Variants in EMB observed in about 807,000 individuals in gnomAD.
The protein encoded by EMB is embigin homolog.
Under a neutral mutation model 41.4 loss-of-function variants are expected in EMB, and 31 were observed. That is an observed-to-expected ratio of 0.75 (90% CI 0.56 to 1.01). EMB has a LOEUF of 1.01. Among genes scored for constraint, EMB ranks in the 50% least tolerant of loss-of-function variants. The pLI, the probability that EMB is intolerant of heterozygous loss-of-function variation, is 0.00. For missense variants in EMB, 379 were observed against 388.3 expected (o/e 0.98, Z 0.20); for synonymous variants, 137 against 140.4 (o/e 0.98, Z 0.17).
chr5:50,404,691 C>A (rs1169678969), intron 5 of EMB, among the ~76,000 whole-genome samples: 1 of 151,788 alleles, frequency 6.6e-6, no homozygotes, highest in Non-Finnish European at 1.5e-5. Flanking sequence ...TTTGTTTTTA[C>A]AAAATTACAC....
At chr5:50,430,221 A>G (rs1745694277) in intron 1 of EMB, among the ~76,000 whole-genome samples, 1 of 152,162 alleles carries the variant, frequency 6.6e-6, no homozygotes, top group Non-Finnish European at 1.5e-5. Context: ...GGAAACCGCT[A>G]TTCTACTATA....
In EMB at chr5:50,399,263, T is replaced by C. The variant is rs1273303494; in HGVS notation, c.*10A>G. On this transcript the variant is annotated 3_prime_UTR_variant, in exon 9 of 9. Transcript: ENST00000303221. The stretch of plus-strand genomic sequence containing the variant: ...TATCTTCCAATGATTCTCGACATGA[T>C]GTTTTGTATTCACTGGCCCAGAGAC... 6.2e-7 allele frequency: 1 copy of C among 1,608,374 alleles called. No homozygotes were observed.
chr5:50,412,257 G>GACAC (rs59853245), intron 2 of EMB, among the ~76,000 whole-genome samples: 9,139 of 141,690 alleles, frequency 0.065, 395 homozygotes, highest in Middle Eastern at 0.14. Flanking sequence ...CACACACACA[G>GACAC]ACACACACAC....
rs577606161 is a variant in EMB at position 50,397,628 on chromosome 5, G to A, written c.*1645C>T. The A allele has an allele frequency of 2.0e-5, 3 of 152,176 alleles. No individual in the cohort carries two copies. Among genetic ancestry groups the A allele is most frequent in the African/African-American group, 7.2e-5 (3 of 41,540 alleles). 9.4% of individuals were successfully genotyped at this position (152,176 alleles called of 1,614,324 possible). A position where few individuals can be genotyped will look rare whatever the true frequency, so the allele number is the denominator to read the frequency against. On this transcript the variant is annotated 3_prime_UTR_variant, in exon 9 of 9. Transcript: ENST00000303221. ...TATTTCCCTGAATTCAAATAGCTTA[G>A]ATTAATTAAGCTAACTGATTGGTTA...
At chr5:50,419,019 C>A (rs572151010) in intron 2 of EMB, among the ~76,000 whole-genome samples, 6 of 152,240 alleles carry the variant, frequency 3.9e-5, no homozygotes, top group Middle Eastern at 6.8e-3. Flanking sequence ...AATACTTGGT[C>A]CCCAGAATGA....
intron 5 of EMB, among the ~76,000 whole-genome samples, chr5:50,403,748 C>T (rs548059344): frequency 3.2e-4 from 48 of 151,966 alleles, no homozygotes; most frequent in Middle Eastern, 6.8e-3. Flanking sequence ...GAATTAAAAA[C>T]AGAAAAATCC....
At chr5:50,421,518 C>T (rs1203796797) in intron 2 of EMB, among the ~76,000 whole-genome samples, 1 of 151,970 alleles carries the variant, frequency 6.6e-6, no homozygotes, top group Non-Finnish European at 1.5e-5. Context: ...CTAGAAATAC[C>T]ATTTGACCCA....
intron 1 of EMB, among the ~76,000 whole-genome samples, chr5:50,434,803 T>C (rs941462633): frequency 1.3e-5 from 2 of 152,236 alleles, no homozygotes; most frequent in African/African-American, 4.8e-5. Context: ...TGAGATGTTC[T>C]ATGTTTAAAT....
intron 5 of EMB, among the ~76,000 whole-genome samples, chr5:50,405,123 A>T (rs1295414041): frequency 6.6e-6 from 1 of 151,940 alleles, no homozygotes. Flanking sequence ...TTTATAAAAT[A>T]CTCATGTTTT....
At chr5:50,438,211 T>A (rs1171343629) in intron 1 of EMB, among the ~76,000 whole-genome samples, 3 of 152,354 alleles carry the variant, frequency 2.0e-5, no homozygotes, top group African/African-American at 7.2e-5. Flanking sequence ...TAACTAAGTA[T>A]GTGTAATTAC....
chr5:50,408,148 AG>A (rs1194619175), intron 4 of EMB, among the ~76,000 whole-genome samples: 2 of 152,020 alleles, frequency 1.3e-5, no homozygotes, highest in Admixed American at 6.6e-5. Flanking sequence ...GAGCTTTGAC[AG>A]GCTTCACTAC....
intron 1 of EMB, among the ~76,000 whole-genome samples, chr5:50,437,039 G>A (rs547383523): frequency 6.6e-6 from 1 of 152,338 alleles, no homozygotes; most frequent in Admixed American, 6.5e-5. Flanking sequence ...GGGAGGCTGA[G>A]GCAGGAAGAT....
chr5:50,435,622 C>T (rs1420586654), intron 1 of EMB, among the ~76,000 whole-genome samples: 2 of 152,138 alleles, frequency 1.3e-5, no homozygotes, highest in Non-Finnish European at 2.9e-5. Flanking sequence ...GATGGCATAC[C>T]ATTTTTTTGG....
rs1272669261 is a variant in EMB at position 50,441,046 on chromosome 5, C to A, written c.106G>T (p.Ala36Ser). The change falls in exon 1 of 9, where the codon GCC (alanine) becomes TCC (serine). Residue 36 changes from alanine (A) to serine (S), a missense_variant. Transcript: ENST00000303221. ...AARPSSADGS[A>S]PDSPFTSPPL... is the part of the protein sequence containing the mutation. The stretch of plus-strand genomic sequence containing the variant: ...GACCCTGTACCCATCACACCTGGGG[C>A]ACTGCCGTCCGCCGAGCTTGGGCGC... 3.2e-5 allele frequency: 48 copies of A among 1,507,600 alleles called. No homozygotes were observed. Among genetic ancestry groups the A allele is most frequent in the Non-Finnish European group, 4.1e-5 (46 of 1,128,356 alleles). The allele number at this position is 1,507,600 out of a possible 1,614,324, so 93.4% of individuals were successfully genotyped here.
rs552056169 is a variant in EMB at position 50,441,018 on chromosome 5, C to A, written c.112+22G>T. On this transcript the variant is annotated intron_variant, in intron 1 of 8. Coordinates refer to ENST00000303221, the MANE Select transcript of EMB (RefSeq NM_198449.3). ...TCGCGCGCCCTCCGCCCTCCCTACC[C>A]TGGACCCTGTACCCATCACACCTGG... 2.8e-4 allele frequency: 384 copies of A among 1,386,558 alleles called. 5 individuals are homozygous for A. The East Asian group carries it at 9.8e-3, about 36-fold the overall frequency. The allele number at this position is 1,386,558 out of a possible 1,614,324, so 85.9% of individuals were successfully genotyped here.
chr5:50,423,945 G>A (rs1745567609), intron 2 of EMB, among the ~76,000 whole-genome samples: 1 of 152,292 alleles, frequency 6.6e-6, no homozygotes, highest in African/African-American at 2.4e-5. Context: ...ATCTTGTGCT[G>A]TCGGCTGATT....
intron 6 of EMB, among the ~76,000 whole-genome samples, chr5:50,402,670 C>A (rs1446812371): frequency 2.0e-5 from 3 of 151,764 alleles, no homozygotes; most frequent in Non-Finnish European, 4.4e-5. Flanking sequence ...ACCCATCAGG[C>A]ACAGGCCGCA....
rs753448370 is a variant in EMB, at chr5:50,403,290, C to T, written c.765G>A (p.Leu255=). The change falls in exon 6 of 9, where the codon CTG becomes CTA. Residue 255 remains leucine, a synonymous_variant. Transcript: ENST00000303221. ...ESEEHIELVV[L]SYLVPLKPFL... ...ATGGTTTGAGGGGCACCAAATAGCT[C>T]AGCACCACAAGCTCAATGTGTTCTT... 8 of 1,612,694 alleles carry T rather than the reference C, an allele frequency of 5.0e-6. No individual in the cohort carries two copies. The highest frequency in any genetic ancestry group is 5.9e-6 in the Non-Finnish European group (7 of 1,179,248).
intron 5 of EMB, among the ~76,000 whole-genome samples, 157 bp downstream of exon 5, chr5:50,405,568 T>G (rs1305227857): frequency 6.6e-6 from 1 of 151,934 alleles, no homozygotes; most frequent in African/African-American, 2.4e-5. Context: ...ATGACAACTC[T>G]GTTTGTCACT....
Sources: allele counts gnomAD v4.1 joint callset (sites outside exome capture counted in the v4.1 genomes callset), GRCh38; gene constraint gnomAD v4.1.1; transcripts MANE v1.5; gene names NCBI Gene and HGNC (gene_info 2026-07-23, HGNC 2026-07-21).